Variants in SART3 observed in about 807,000 individuals in gnomAD.
The protein encoded by SART3 is HIV-1 Tat-interacting protein of 110kDa.
SART3 carries 44 observed loss-of-function variants against 122.3 expected under a neutral mutation model. The observed-to-expected ratio is 0.36, with a 90% CI of 0.28 to 0.46. SART3 has a LOEUF of 0.46. Ranked by LOEUF, SART3 falls within the 20% of genes least tolerant of loss-of-function variation. SART3 has a pLI of 1.00. For missense variants in SART3, 1,101 were observed against 1,229.0 expected (o/e 0.90, Z 1.56); for synonymous variants, 442 against 454.0 (o/e 0.97, Z 0.34).
chr12:108,530,450 G>A (rs779487502), intron 14 of SART3, 140 bp from the exon 15 acceptor site: 50 of 923,640 alleles, frequency 5.4e-5, no homozygotes, highest in African/African-American at 9.8e-5. Context: ...ACAGGCTCAC[G>A]GCTGTTCCAC....
chr12:108,547,008 C>T (rs192452702), intron 3 of SART3, among the ~76,000 whole-genome samples: 5 of 152,174 alleles, frequency 3.3e-5, no homozygotes, highest in Admixed American at 1.3e-4. Context: ...TTAGCAGAGA[C>T]GGGGTTTTGC....
At chr12:108,546,868 A>T (rs911390057) in intron 3 of SART3, among the ~76,000 whole-genome samples, 1 of 151,796 alleles carries the variant, frequency 6.6e-6, no homozygotes, top group Non-Finnish European at 1.5e-5. Context: ...TGCCCAGGCT[A>T]GAGTGTAGTA....
rs914970466 is a variant in SART3 at position 108,522,228 on chromosome 12, G to A, written c.*1229C>T. ...TGGAAGCTGAATGGTAGGCACACAGGAGTTTATTTTACTGTTCTGTCTACT... is the reference window on the plus strand; with the variant it reads ...TGGAAGCTGAATGGTAGGCACACAGAAGTTTATTTTACTGTTCTGTCTACT... On this transcript the variant is annotated 3_prime_UTR_variant, in exon 19 of 19. Transcript: ENST00000546815. Among the ~76,000 whole-genome samples, 1 of 152,166 alleles carries A rather than the reference G, an allele frequency of 6.6e-6. No individual in the cohort carries two copies. Among genetic ancestry groups the A allele is most frequent in the African/African-American group, 2.4e-5 (1 of 41,432 alleles).
intron 18 of SART3, chr12:108,523,857 G>A (rs2136658489): frequency 1.6e-6 from 1 of 612,232 alleles, no homozygotes; most frequent in African/African-American, 1.8e-5. Context: ...CTGAGCACCA[G>A]TCACACTCAG....
In SART3 at chr12:108,524,301, C is replaced by T; in HGVS notation, c.2714+15G>A. The T allele has an allele frequency of 6.2e-7, 1 of 1,610,232 alleles. No individual in the cohort carries two copies. The highest frequency in any genetic ancestry group is 8.5e-7 in the Non-Finnish European group (1 of 1,177,634). On this transcript the variant is annotated intron_variant, in intron 18 of 18. Coordinates refer to ENST00000546815, the MANE Select transcript of SART3 (RefSeq NM_014706.4). The stretch of plus-strand genomic sequence containing the variant: ...CAGGACGAAGTTTGCACTAGTCTAC[C>T]ATGCAAGCACTTACGCTCCGTATGT...
Position 108,544,458 on chromosome 12 carries a change from A to G in SART3, c.750T>C (p.Leu250=), listed in dbSNP as rs1873312507. 3 of 1,614,268 alleles carry G rather than the reference A, an allele frequency of 1.9e-6. No individual in the cohort carries two copies. The highest frequency in any genetic ancestry group is 2.5e-6 in the Non-Finnish European group (3 of 1,180,046). Residue 250 remains leucine, a synonymous_variant, in exon 5 of 19, where the codon CTT becomes CTC. Coordinates refer to ENST00000546815, the MANE Select transcript of SART3 (RefSeq NM_014706.4). ...GTGGGATCGCCAACTGTCGCCGGAA[A>G]AGACTGTGGACTTTCTCAAGCTGTG... The part of the protein sequence containing the change: ...EAARLEKVHS[L]FRRQLAIPLY...
At position 108,535,252 on chromosome 12, in the gene SART3, C is replaced by T. The variant is rs966868068; in HGVS notation, c.1556+107G>A. 7.8e-5 allele frequency: 66 copies of T among 842,910 alleles called. 1 individual carries two copies. The African/African-American group carries it at 9.1e-4, about 12-fold the overall frequency. The allele number at this position is 842,910 out of a possible 1,614,324, so 52.2% of individuals were successfully genotyped here. On this transcript the variant is annotated intron_variant, in intron 12 of 18. Transcript: ENST00000546815. ...CTGAAAGAGACAGAATGAAAGAAAA[C>T]AGCCCAGTTCTAAGGAGCTAGTCCA... is the stretch of plus-strand genomic sequence containing the variant.
intron 1 of SART3, 82 bp from the exon 2 acceptor site, chr12:108,549,296 A>T: frequency 7.0e-7 from 1 of 1,424,398 alleles, no homozygotes; most frequent in Admixed American, 1.8e-5. Context: ...AACTACACAT[A>T]TACCTGCCAC....
At position 108,523,150 on chromosome 12, in the gene SART3, C is replaced by A; in HGVS notation, c.*307G>T. 1 of 474,916 alleles carries A rather than the reference C, an allele frequency of 2.1e-6. No individual in the cohort carries two copies. The highest frequency in any genetic ancestry group is 3.8e-6 in the Non-Finnish European group (1 of 260,044). The allele number at this position is 474,916 out of a possible 1,614,324, so 29.4% of individuals were successfully genotyped here. On this transcript the variant is annotated 3_prime_UTR_variant, in exon 19 of 19. Coordinates refer to ENST00000546815, the MANE Select transcript of SART3 (RefSeq NM_014706.4). ...GCCAGAAACATTTGGACAACTGTGT[C>A]TCAAAAACAGTGTGTTCTCGTTTCG... is the stretch of plus-strand genomic sequence containing the variant.
intron 1 of SART3, among the ~76,000 whole-genome samples, chr12:108,558,804 C>T (rs1201760690): frequency 6.6e-6 from 1 of 152,014 alleles, no homozygotes; most frequent in Non-Finnish European, 1.5e-5. Context: ...GAGGCCGAGG[C>T]GGGCGGATCA....
At chr12:108,552,472 TAA>T (rs35456344) in intron 1 of SART3, among the ~76,000 whole-genome samples, 32 of 133,450 alleles carry the variant, frequency 2.4e-4, no homozygotes, top group South Asian at 6.9e-4. Context: ...AGGAACCAAT[TAA>T]AAAAAAAAAA....
At chr12:108,548,085 A>G (rs1873515329) in intron 2 of SART3, 94 bp from the exon 3 acceptor site, 1 of 1,052,564 alleles carries the variant, frequency 9.5e-7, no homozygotes, top group South Asian at 1.3e-5. Context: ...CGTTTCATCC[A>G]TCTTACACAA....
intron 1 of SART3, among the ~76,000 whole-genome samples, chr12:108,553,825 C>T (rs762559132): frequency 1.3e-5 from 2 of 152,186 alleles, no homozygotes; most frequent in Admixed American, 6.5e-5. Flanking sequence ...AACAAGAACT[C>T]ATTATCTTTC....
chr12:108,524,968 GACAGTAATGAAACCACTTACT>G (rs1316441126), intron 17 of SART3: 3 of 293,608 alleles, frequency 1.0e-5, no homozygotes, highest in African/African-American at 6.6e-5. Context: ...GCAGTGGGTA[GACAGTAATGAAACCACTTACT>G]ACTCAAAATG....
At position 108,523,522 on chromosome 12, in the gene SART3, G is replaced by A. The variant is rs1316714957; in HGVS notation, c.2827C>T (p.Pro943Ser). Residue 943 changes from proline (P) to serine (S), a missense_variant, in exon 19 of 19, where the codon CCA becomes TCA. Coordinates refer to ENST00000546815, the MANE Select transcript of SART3 (RefSeq NM_014706.4). Reference protein sequence around the residue: ...GPAAAPAVAAPAATEAPKMSN... With the variant: ...GPAAAPAVAASAATEAPKMSN... The stretch of plus-strand genomic sequence containing the variant: ...ATCTTGGGTGCCTCGGTGGCTGCTG[G>A]GGCGGCAACTGCAGGAGCCGCGGCA... The A allele has an allele frequency of 6.2e-7, 1 of 1,613,600 alleles. No individual in the cohort carries two copies. Among genetic ancestry groups the A allele is most frequent in the Admixed American group, 1.7e-5 (1 of 60,020 alleles).
At chr12:108,525,842 A>T (rs1872347946) in intron 16 of SART3, 2 of 623,372 alleles carry the variant, frequency 3.2e-6, no homozygotes, top group East Asian at 5.5e-5. Context: ...ACAGAGTCTC[A>T]TGAGGAGTCA....
chr12:108,536,875 C>T (rs1028916300), intron 9 of SART3, 90 bp from the exon 10 acceptor site: 1 of 1,122,106 alleles, frequency 8.9e-7, no homozygotes, highest in African/African-American at 1.5e-5. Context: ...CCTGGAGACC[C>T]ACTATGTACC....
In SART3 at chr12:108,523,431, G is replaced by GC; in HGVS notation, c.*25dup. 6.2e-7 allele frequency: 1 copy of GC among 1,611,140 alleles called. No individual in the cohort carries two copies. Among genetic ancestry groups the GC allele is most frequent in the Non-Finnish European group, 8.5e-7 (1 of 1,179,062 alleles). The stretch of plus-strand genomic sequence containing the variant: ...GTCCGCCGGGCCAGAGTGAAGTAAG[G>GC]CATTTCCTGTCTCCCAGCGTCCCGT... On this transcript the variant is annotated 3_prime_UTR_variant, in exon 19 of 19. Transcript: ENST00000546815.
chr12:108,527,453 T>C (rs1872436673), intron 15 of SART3, among the ~76,000 whole-genome samples: 1 of 152,224 alleles, frequency 6.6e-6, no homozygotes. Flanking sequence ...ACAGTCTTCC[T>C]GGTACGAAGT....
Sources: gnomAD v4.1 joint callset for allele counts (sites outside exome capture counted in the v4.1 genomes callset) on GRCh38, gnomAD v4.1.1 for gene constraint, MANE v1.5 for transcripts, NCBI Gene and HGNC (gene_info 2026-07-23, HGNC 2026-07-21) for gene names.